The following ENPP1 variants were observed in gnomAD, a reference collection of about 807,000 sequenced individuals.
The protein encoded by ENPP1 is ectonucleotide pyrophosphatase/phosphodiesterase family member 1.
ENPP1 carries 73 observed loss-of-function variants against 122.8 expected under a neutral mutation model. The observed-to-expected ratio is 0.59, with a 90% CI of 0.49 to 0.72. The LOEUF is 0.72. Ranked by LOEUF, ENPP1 falls within the 30% of genes least tolerant of loss-of-function variation. The pLI is 0.00. For synonymous variants in ENPP1, 367 were observed against 391.6 expected, an observed-to-expected ratio of 0.94 and a Z score of 0.74; for missense variants, 978 against 1,128.1, an observed-to-expected ratio of 0.87 and a Z score of 1.91.
In ENPP1 at chr6:131,827,274, C is replaced by T. The variant is rs775068495; in HGVS notation, c.240+18999C>T. ...GACCTCTGATAGGAATATGGAGAAG[C>T]GTCTGGAATAAAAAGGATCATACTG... On this transcript the variant is annotated intron_variant, in intron 1 of 24. Coordinates refer to ENST00000647893, the MANE Select transcript of ENPP1 (RefSeq NM_006208.3). 2.5e-5 allele frequency: 32 copies of T among 1,292,732 alleles called. No individual in the cohort carries two copies. The East Asian group carries it at 2.8e-4, about 11-fold the overall frequency. 80.1% of individuals were successfully genotyped at this position (1,292,732 alleles called of 1,614,324 possible).
At chr6:131,829,983 C>A (rs946839366) in intron 1 of ENPP1, among the ~76,000 whole-genome samples, 4 of 152,184 alleles carry the variant, frequency 2.6e-5, no homozygotes, top group Non-Finnish European at 5.9e-5. Flanking sequence ...GTCAAAGTTA[C>A]TTCTCTGAGT....
intron 1 of ENPP1, among the ~76,000 whole-genome samples, chr6:131,816,810 A>G (rs1781419906): frequency 6.6e-6 from 1 of 152,188 alleles, no homozygotes; most frequent in East Asian, 1.9e-4. Flanking sequence ...AGCATTTCCC[A>G]TATATTTTTG....
intron 6 of ENPP1, among the ~76,000 whole-genome samples, chr6:131,856,060 C>T (rs530163236): frequency 1.1e-4 from 16 of 151,928 alleles, no homozygotes; most frequent in African/African-American, 3.6e-4. Context: ...TTATGAAGTG[C>T]CAAAATAATT....
intron 6 of ENPP1, among the ~76,000 whole-genome samples, chr6:131,857,545 C>T (rs1781963735): frequency 6.7e-6 from 1 of 148,712 alleles, no homozygotes; most frequent in Non-Finnish European, 1.5e-5. Context: ...TAAACTATCG[C>T]AAGAACAAAA....
intron 21 of ENPP1, among the ~76,000 whole-genome samples, chr6:131,883,241 C>T (rs1185280402): frequency 3.9e-5 from 6 of 152,150 alleles, no homozygotes; most frequent in Non-Finnish European, 7.3e-5. Context: ...TAGACCAGGT[C>T]CAAGCCTCAA....
chr6:131,880,144 A>G lies in ENPP1; in HGVS notation c.2100+110A>G, dbSNP rs181853529. 9.7e-5 allele frequency: 107 copies of G among 1,106,432 alleles called. No homozygotes were observed. In the African/African-American group the frequency reaches 1.3e-3, roughly 13 times the overall value. The allele number at this position is 1,106,432 out of a possible 1,614,324, so 68.5% of individuals were successfully genotyped here. ...CCTTGGCTTTATACTCAGTTCCCGCATTAGAGGAACACTGAAGAGGGAGTC... is the reference window on the plus strand; with the variant it reads ...CCTTGGCTTTATACTCAGTTCCCGCGTTAGAGGAACACTGAAGAGGGAGTC... On this transcript the variant is annotated intron_variant, in intron 20 of 24. Coordinates refer to ENST00000647893, the MANE Select transcript of ENPP1 (RefSeq NM_006208.3).
chr6:131,880,901 A>G (rs1352544333), intron 20 of ENPP1, among the ~76,000 whole-genome samples: 2 of 152,246 alleles, frequency 1.3e-5, no homozygotes, highest in Non-Finnish European at 2.9e-5. Context: ...GAGGGCAAAT[A>G]TCCCAGAATA....
At chr6:131,850,156 C>A in intron 3 of ENPP1, 50 bp downstream of exon 3, 2 of 1,260,912 alleles carry the variant, frequency 1.6e-6, no homozygotes, top group Non-Finnish European at 2.3e-6. Context: ...AGGAAAAGAT[C>A]AAGGAAAGTT....
intron 16 of ENPP1, 144 bp from the exon 17 acceptor site, chr6:131,875,632 C>G: frequency 2.9e-6 from 2 of 690,392 alleles, no homozygotes; most frequent in East Asian, 2.7e-5. Flanking sequence ...AACTATATTT[C>G]CCACAAAGTC....
intron 1 of ENPP1, among the ~76,000 whole-genome samples, chr6:131,836,912 A>G (rs929088913): frequency 6.6e-5 from 10 of 152,272 alleles, no homozygotes; most frequent in Middle Eastern, 6.8e-3. Flanking sequence ...AGTGCTTGTG[A>G]CCTTAGCTTG....
chr6:131,888,831 A>G (rs1782422686), intron 24 of ENPP1, among the ~76,000 whole-genome samples: 1 of 152,162 alleles, frequency 6.6e-6, no homozygotes, highest in African/African-American at 2.4e-5. Context: ...GAATGTATCA[A>G]TTAGAGTAGG....
At chr6:131,830,494 C>T (rs1176637044) in intron 1 of ENPP1, among the ~76,000 whole-genome samples, 1 of 152,000 alleles carries the variant, frequency 6.6e-6, no homozygotes, top group African/African-American at 2.4e-5. Flanking sequence ...ACCACAGTGC[C>T]CATCACAGGC....
In ENPP1 at chr6:131,851,311, C is replaced by T. The variant is rs186852575; in HGVS notation, c.556+44C>T. The T allele has an allele frequency of 9.9e-6, 16 of 1,613,212 alleles. No individual in the cohort carries two copies. In the East Asian group the frequency reaches 1.1e-4, roughly 11 times the overall value. On this transcript the variant is annotated intron_variant, in intron 4 of 24. Transcript: ENST00000647893. ...TCTGCAGCAGCCTGGTATCTTCCAG[C>T]GTCTTAGCGGGGCTTTACATAGGTG... is the stretch of plus-strand genomic sequence containing the variant.
At chr6:131,879,748 A>G in intron 19 of ENPP1, 132 bp from the exon 20 acceptor site, 1 of 788,988 alleles carries the variant, frequency 1.3e-6, no homozygotes, top group Non-Finnish European at 2.1e-6. Flanking sequence ...ACCCTTTGTA[A>G]TCAGTTTTTT....
intron 1 of ENPP1, chr6:131,819,891 G>T: frequency 2.0e-6 from 1 of 491,272 alleles, no homozygotes. Context: ...GTTTCCCAGT[G>T]GCCCTCTTCC....
intron 2 of ENPP1, 117 bp from the exon 3 acceptor site, chr6:131,849,873 G>T: frequency 1.3e-6 from 1 of 787,462 alleles, no homozygotes; most frequent in Non-Finnish European, 2.2e-6. Flanking sequence ...TACCCCATCT[G>T]TATTTTCTAA....
intron 14 of ENPP1, among the ~76,000 whole-genome samples, chr6:131,872,652 C>G (rs146470791): frequency 4.9e-4 from 74 of 152,084 alleles, no homozygotes; most frequent in African/African-American, 1.7e-3. Flanking sequence ...ATGATTTCCT[C>G]TAAATATTTC....
chr6:131,826,607 C>A, intron 1 of ENPP1: 1 of 998,378 alleles, frequency 1.0e-6, no homozygotes, highest in South Asian at 1.3e-5. Context: ...CATTCCAGGT[C>A]ACAGCTGATC....
At chr6:131,880,086 C>T (rs1445273781) in intron 20 of ENPP1, 52 bp downstream of exon 20, 1 of 1,519,090 alleles carries the variant, frequency 6.6e-7, no homozygotes, top group East Asian at 2.3e-5. Flanking sequence ...AATGATTAAG[C>T]AGAACATTAA....
Sources: gnomAD v4.1 joint callset for allele counts (sites outside exome capture counted in the v4.1 genomes callset) on GRCh38, gnomAD v4.1.1 for gene constraint, MANE v1.5 for transcripts, NCBI Gene and HGNC (gene_info 2026-07-23, HGNC 2026-07-21) for gene names.